The following CENPC variants were observed in gnomAD, a reference collection of about 807,000 sequenced individuals.
The protein encoded by CENPC is CENP-C 1.
Under a neutral mutation model 112.1 loss-of-function variants are expected in CENPC, and 63 were observed. The ratio of observed to expected loss-of-function variants is 0.56; its 90% CI spans 0.46 to 0.69. The LOEUF is 0.69. Ranked by LOEUF, CENPC falls within the 30% of genes least tolerant of loss-of-function variation. CENPC has a pLI of 0.00. For missense variants in CENPC, 1,000 were observed against 1,103.8 expected (o/e 0.91, Z 1.33); for synonymous variants, 333 against 367.6 (o/e 0.91, Z 1.08).
At chr4:67,538,450 G>A (rs912713999) in intron 4 of CENPC, among the ~76,000 whole-genome samples, 4 of 152,096 alleles carry the variant, frequency 2.6e-5, no homozygotes, top group African/African-American at 7.2e-5. Flanking sequence ...CAAGAAATAC[G>A]ACATTGAAAA....
intron 17 of CENPC, among the ~76,000 whole-genome samples, chr4:67,482,782 C>T (rs746040124): frequency 1.3e-4 from 20 of 152,252 alleles, no homozygotes; most frequent in Middle Eastern, 3.4e-3. Flanking sequence ...AAAGACTACA[C>T]GGTGGGTACA....
intron 17 of CENPC, among the ~76,000 whole-genome samples, chr4:67,477,170 T>G (rs548100169): frequency 6.6e-6 from 1 of 152,280 alleles, no homozygotes; most frequent in Admixed American, 6.5e-5. Context: ...TGTGGCAACC[T>G]TGTATCAGCA....
intron 4 of CENPC, 38 bp from the exon 5 acceptor site, chr4:67,530,952 T>C (rs763897059): frequency 2.9e-6 from 3 of 1,030,794 alleles, no homozygotes; most frequent in Non-Finnish European, 4.3e-6. Flanking sequence ...AACTATTTTA[T>C]TAACTTACCA....
Position 67,510,021 on chromosome 4 carries a change from T to G in CENPC, c.1613-916A>C, listed in dbSNP as rs549980972. ...CAAACAAACCAAAAAAAGCCATCAG[T>G]AATGAACAATCTACAGTTTCTCTAA... On this transcript the variant is annotated intron_variant, in intron 9 of 18. Coordinates refer to ENST00000273853, the MANE Select transcript of CENPC (RefSeq NM_001812.4). 4.1e-4 allele frequency among the ~76,000 whole-genome samples: 63 copies of G among 152,206 alleles called. 2 individuals carry two copies. The South Asian group carries it at 0.013, about 31-fold the overall frequency.
intron 4 of CENPC, among the ~76,000 whole-genome samples, chr4:67,538,626 C>T (rs1452281677): frequency 5.9e-5 from 9 of 152,144 alleles, no homozygotes; most frequent in Non-Finnish European, 1.0e-4. Flanking sequence ...GGACAGGAGA[C>T]GGTTACATAG....
chr4:67,492,277 T>G lies in CENPC; in HGVS notation c.2420-2A>C, dbSNP rs1373252221. ...CTAGATTTACCATTAAGTTAGTCTC[T>G]GCAAAAGAAATACCATTGAAATACA... On this transcript the variant is annotated splice_acceptor_variant, in intron 15 of 18. Transcript: ENST00000273853. LOFTEE classifies it high-confidence loss of function. 1 of 1,537,664 alleles carries G rather than the reference T, an allele frequency of 6.5e-7. No homozygotes were observed. The highest frequency in any genetic ancestry group is 1.4e-5 in the African/African-American group (1 of 73,050).
At chr4:67,473,923 C>G (rs573438057) in intron 18 of CENPC, among the ~76,000 whole-genome samples, 3 of 152,176 alleles carry the variant, frequency 2.0e-5, no homozygotes, top group Admixed American at 2.0e-4. Flanking sequence ...ACAATAACTT[C>G]TGCTGTTCGA....
At chr4:67,531,557 GA>G (rs1726549615) in intron 4 of CENPC, among the ~76,000 whole-genome samples, 1 of 152,212 alleles carries the variant, frequency 6.6e-6, no homozygotes, top group Admixed American at 6.5e-5. Context: ...GATCTGTGGT[GA>G]ACATCTGCTT....
intron 7 of CENPC, among the ~76,000 whole-genome samples, chr4:67,515,606 T>C (rs930616985): frequency 1.3e-5 from 2 of 151,940 alleles, no homozygotes; most frequent in African/African-American, 4.9e-5. Context: ...AATATTACTA[T>C]AGGACTGTAA....
chr4:67,513,200 T>C (rs2646292), intron 8 of CENPC, among the ~76,000 whole-genome samples: 95,302 of 151,436 alleles, frequency 0.63, 30,211 homozygotes, highest in East Asian at 0.81. Flanking sequence ...CTCCCAGAGC[T>C]ACCAGAAAGA....
chr4:67,511,513 C>T (rs1725891384), intron 9 of CENPC, among the ~76,000 whole-genome samples: 1 of 152,160 alleles, frequency 6.6e-6, no homozygotes, highest in Non-Finnish European at 1.5e-5. Flanking sequence ...GAGTATACTA[C>T]CCTTAAAAGG....
chr4:67,524,206 T>A (rs1726308095), intron 5 of CENPC, among the ~76,000 whole-genome samples: 1 of 152,060 alleles, frequency 6.6e-6, no homozygotes, highest in Non-Finnish European at 1.5e-5. Context: ...TAGGGGATGA[T>A]GTCACAATAG....
chr4:67,503,996 A>G (rs1365230102), intron 12 of CENPC, among the ~76,000 whole-genome samples: 1 of 151,740 alleles, frequency 6.6e-6, no homozygotes, highest in Non-Finnish European at 1.5e-5. Flanking sequence ...ATTGGAGCTG[A>G]TATCATTTTA....
At chr4:67,542,598 G>A (rs1191151415) in intron 2 of CENPC, among the ~76,000 whole-genome samples, 1 of 152,156 alleles carries the variant, frequency 6.6e-6, no homozygotes, top group Non-Finnish European at 1.5e-5. Flanking sequence ...TTCCTAGGGT[G>A]ATGGAGGTAA....
intron 17 of CENPC, among the ~76,000 whole-genome samples, chr4:67,484,986 G>T (rs1247386068): frequency 1.3e-5 from 2 of 152,058 alleles, no homozygotes; most frequent in African/African-American, 4.8e-5. Flanking sequence ...CCAGTTACTC[G>T]GGAGGCTGAG....
chr4:67,505,466 G>C (rs1271007610), intron 11 of CENPC, among the ~76,000 whole-genome samples, 182 bp from the exon 12 acceptor site: 1 of 152,066 alleles, frequency 6.6e-6, no homozygotes, highest in Non-Finnish European at 1.5e-5. Flanking sequence ...ATTGATTCCA[G>C]GATCCACTGT....
chr4:67,544,251 T>A, intron 1 of CENPC, 56 bp from the exon 2 acceptor site: 1 of 981,378 alleles, frequency 1.0e-6, no homozygotes, highest in Non-Finnish European at 1.6e-6. Context: ...CGAGTAAAAT[T>A]TATTTTCAAA....
chr4:67,484,729 T>G (rs1004123340), intron 17 of CENPC, among the ~76,000 whole-genome samples: 9 of 152,228 alleles, frequency 5.9e-5, no homozygotes, highest in African/African-American at 2.2e-4. Context: ...TTCCTTATTT[T>G]GTTTTTCCTT....
At chr4:67,525,244 T>C (rs1476259275) in intron 5 of CENPC, among the ~76,000 whole-genome samples, 1 of 152,078 alleles carries the variant, frequency 6.6e-6, no homozygotes, top group Non-Finnish European at 1.5e-5. Context: ...ACCTAGGCAA[T>C]ACCATTCAGG....
Sources: allele counts gnomAD v4.1 joint callset (sites outside exome capture counted in the v4.1 genomes callset), GRCh38; gene constraint gnomAD v4.1.1; transcripts MANE v1.5; gene names NCBI Gene and HGNC (gene_info 2026-07-23, HGNC 2026-07-21).